The following SCFD2 variants were observed in gnomAD, a reference collection of about 807,000 sequenced individuals.
SCFD2 encodes sec1 family domain-containing protein 2.
SCFD2 carries 54 observed loss-of-function variants against 58.9 expected under a neutral mutation model. That is an observed-to-expected ratio of 0.92 (90% confidence interval 0.74 to 1.15). The LOEUF (loss-of-function observed/expected upper bound fraction) is 1.15, where lower values mean the gene tolerates loss of function less well. Among genes scored for constraint, SCFD2 ranks in the 50% most tolerant of loss-of-function variants. SCFD2 has a pLI of 0.00. For synonymous variants in SCFD2, 321 were observed against 335.9 expected, an observed-to-expected ratio of 0.96 and a Z score of 0.49; for missense variants, 805 against 836.6, an observed-to-expected ratio of 0.96 and a Z score of 0.47.
chr4:53,265,078 TA>T lies in SCFD2; in HGVS notation c.1311+8747del, dbSNP rs750895648. Among the ~76,000 whole-genome samples the T allele has an allele frequency of 1.1e-4, 17 of 152,354 alleles. No individual in the cohort carries two copies. In the East Asian group the frequency reaches 2.9e-3, roughly 26 times the overall value. On this transcript the variant is annotated intron_variant, in intron 4 of 8. Coordinates refer to ENST00000401642, the MANE Select transcript of SCFD2 (RefSeq NM_152540.4). ...GTATATGTTTAGGAAGTAGGAAGTT[TA>T]AACACAGCTGCTTCCTTAATACATT...
intron 4 of SCFD2, among the ~76,000 whole-genome samples, chr4:53,260,230 T>G (rs1225752393): frequency 6.6e-6 from 1 of 152,172 alleles, no homozygotes. Context: ...TTCCTTTTCT[T>G]GGCTGAGTGC....
intron 4 of SCFD2, among the ~76,000 whole-genome samples, chr4:53,249,772 G>C (rs973922431): frequency 3.3e-5 from 5 of 152,158 alleles, no homozygotes; most frequent in African/African-American, 1.2e-4. Context: ...TCACCACCAG[G>C]CCTGCCCTAA....
intron 4 of SCFD2, among the ~76,000 whole-genome samples, chr4:53,259,077 T>C (rs1352447614): frequency 5.9e-5 from 9 of 152,172 alleles, no homozygotes; most frequent in African/African-American, 2.2e-4. Flanking sequence ...GGATTGTTTC[T>C]TCTGCTGATT....
intron 5 of SCFD2, among the ~76,000 whole-genome samples, chr4:52,992,217 C>G (rs547889779): frequency 5.3e-5 from 8 of 152,124 alleles, no homozygotes; most frequent in African/African-American, 1.9e-4. Context: ...TTGGTGGAGA[C>G]GGGGTTTCGC....
chr4:53,126,630 A>T (rs1489199737), intron 5 of SCFD2, among the ~76,000 whole-genome samples: 1 of 152,146 alleles, frequency 6.6e-6, no homozygotes, highest in Non-Finnish European at 1.5e-5. Flanking sequence ...ACCGGTTTTT[A>T]AATGATGGTG....
intron 4 of SCFD2, among the ~76,000 whole-genome samples, chr4:53,164,903 A>G (rs1280650772): frequency 6.6e-6 from 1 of 152,212 alleles, no homozygotes; most frequent in Non-Finnish European, 1.5e-5. Context: ...GAACTAACAG[A>G]TAAATTCCTC....
In SCFD2 at chr4:53,256,042, C is replaced by T. The variant is rs546360306; in HGVS notation, c.1311+17784G>A. ...TCTGACCCCCCACCTCCCTTCCGGA[C>T]GGGGCGGCTGGCCTGGTGGGGGCTG... On this transcript the variant is annotated intron_variant, in intron 4 of 8. Transcript: ENST00000401642. Among the ~76,000 whole-genome samples, 261 of 149,062 alleles carry T rather than the reference C, an allele frequency of 1.8e-3. 3 individuals are homozygous for T. Among genetic ancestry groups the T allele is most frequent in the Middle Eastern group, 7.2e-3 (2 of 278 alleles).
intron 6 of SCFD2, among the ~76,000 whole-genome samples, chr4:52,911,881 G>A (rs903452019): frequency 1.3e-5 from 2 of 152,098 alleles, no homozygotes; most frequent in African/African-American, 4.8e-5. Context: ...TGCCGATAGG[G>A]GGCACTCGAG....
intron 4 of SCFD2, among the ~76,000 whole-genome samples, chr4:53,258,577 T>TATATAG (rs757658747): frequency 8.2e-6 from 1 of 121,374 alleles, no homozygotes; most frequent in African/African-American, 3.2e-5. Context: ...TATATATATA[T>TATATAG]ACACACACAT....
intron 5 of SCFD2, among the ~76,000 whole-genome samples, chr4:53,054,991 G>A (rs1723283682): frequency 6.6e-6 from 1 of 152,088 alleles, no homozygotes; most frequent in East Asian, 1.9e-4. Flanking sequence ...ATCGAGGGGA[G>A]AGAAGCAGCA....
intron 4 of SCFD2, among the ~76,000 whole-genome samples, chr4:53,180,385 C>G (rs1242701660): frequency 6.6e-6 from 1 of 152,194 alleles, no homozygotes; most frequent in East Asian, 1.9e-4. Context: ...ACTGAGCAAG[C>G]TGCTCCTGAA....
chr4:53,101,982 A>G (rs1220770439), intron 5 of SCFD2, among the ~76,000 whole-genome samples: 3 of 152,234 alleles, frequency 2.0e-5, no homozygotes, highest in Non-Finnish European at 2.9e-5. Flanking sequence ...TTGTGAGGAG[A>G]TAACAGCCAC....
intron 4 of SCFD2, among the ~76,000 whole-genome samples, chr4:53,202,184 T>C (rs1337745401): frequency 2.0e-5 from 3 of 152,116 alleles, no homozygotes; most frequent in South Asian, 2.1e-4. Context: ...CTTTAATCCA[T>C]CTTGAATTAA....
intron 5 of SCFD2, among the ~76,000 whole-genome samples, chr4:53,044,875 C>T (rs1722990951): frequency 7.3e-6 from 1 of 136,244 alleles, no homozygotes; most frequent in South Asian, 2.4e-4. Context: ...ATCCACTTAA[C>T]TCCCCACCCC....
intron 4 of SCFD2, among the ~76,000 whole-genome samples, chr4:53,217,345 A>G (rs1728881377): frequency 6.6e-6 from 1 of 152,218 alleles, no homozygotes; most frequent in Non-Finnish European, 1.5e-5. Flanking sequence ...TTGGGTGCAC[A>G]TATGTTTAGG....
chr4:53,096,069 G>A (rs62339002), intron 5 of SCFD2, among the ~76,000 whole-genome samples: 25,010 of 152,004 alleles, frequency 0.16, 2,492 homozygotes, highest in Middle Eastern at 0.26. Context: ...TTATGGCTGC[G>A]TAGTATTCCA....
intron 8 of SCFD2, among the ~76,000 whole-genome samples, chr4:52,874,794 C>T (rs962495727): frequency 3.3e-5 from 5 of 152,308 alleles, no homozygotes; most frequent in Admixed American, 1.3e-4. Flanking sequence ...ACTAAAGACC[C>T]TATTTTAACT....
At chr4:52,958,441 A>G (rs535898421) in intron 5 of SCFD2, among the ~76,000 whole-genome samples, 1 of 152,274 alleles carries the variant, frequency 6.6e-6, no homozygotes, top group South Asian at 2.1e-4. Flanking sequence ...GCCGGACAAG[A>G]TGTTTTCTGA....
intron 2 of SCFD2, among the ~76,000 whole-genome samples, chr4:53,316,749 A>G (rs1184051984): frequency 6.6e-6 from 1 of 152,182 alleles, no homozygotes; most frequent in Non-Finnish European, 1.5e-5. Flanking sequence ...AGAAATACAA[A>G]GTTTCCATGA....
Sources: gnomAD v4.1 joint callset for allele counts (sites outside exome capture counted in the v4.1 genomes callset) on GRCh38, gnomAD v4.1.1 for gene constraint, MANE v1.5 for transcripts, NCBI Gene and HGNC (gene_info 2026-07-23, HGNC 2026-07-21) for gene names.